ERC2: variants seen among roughly 807,000 people sequenced by gnomAD.
ERC2 encodes the protein ELKS/RAB6-interacting/CAST family member 2.
Under a neutral mutation model 114.8 loss-of-function variants are expected in ERC2, and 42 were observed. The ratio of observed to expected loss-of-function variants is 0.37; its 90% confidence interval spans 0.29 to 0.47. The LOEUF (loss-of-function observed/expected upper bound fraction) is 0.47. Ranked by LOEUF, ERC2 falls within the 20% of genes least tolerant of loss-of-function variation. The pLI, the probability that ERC2 is intolerant of heterozygous loss-of-function variation, is 0.99. For missense variants in ERC2, 939 were observed against 1,150.7 expected, an observed-to-expected ratio of 0.82 and a Z score of 2.66; for synonymous variants, 454 against 425.5, an observed-to-expected ratio of 1.07 and a Z score of -0.82.
At chr3:55,514,683 C>G (rs1164070346) in intron 17 of ERC2, among the ~76,000 whole-genome samples, 4 of 152,160 alleles carry the variant, frequency 2.6e-5, no homozygotes, top group African/African-American at 9.7e-5. Context: ...GACCACAGAC[C>G]TACAACCACG....
intron 17 of ERC2, among the ~76,000 whole-genome samples, chr3:55,546,670 C>T (rs2054773777): frequency 6.6e-6 from 1 of 152,202 alleles, no homozygotes; most frequent in Admixed American, 6.5e-5. Context: ...GAGGCTCCTC[C>T]CATTTCATGA....
chr3:55,530,643 C>G (rs1350938524), intron 17 of ERC2, among the ~76,000 whole-genome samples: 1 of 152,194 alleles, frequency 6.6e-6, no homozygotes, highest in Non-Finnish European at 1.5e-5. Context: ...ACAAGTATCT[C>G]CAAGATTATT....
intron 7 of ERC2, among the ~76,000 whole-genome samples, chr3:56,043,364 A>G (rs2075297071): frequency 6.6e-6 from 1 of 152,118 alleles, no homozygotes; most frequent in African/African-American, 2.4e-5. Context: ...TTTTTATGGC[A>G]CTAATTTTAT....
chr3:55,527,922 C>T (rs1356407922), intron 17 of ERC2, among the ~76,000 whole-genome samples: 1 of 152,060 alleles, frequency 6.6e-6, no homozygotes, highest in Admixed American at 6.6e-5. Context: ...AGGGTAGAGT[C>T]AGGGTAGAGT....
chr3:56,355,561 C>T (rs2058718179), intron 2 of ERC2, among the ~76,000 whole-genome samples: 1 of 152,166 alleles, frequency 6.6e-6, no homozygotes, highest in Non-Finnish European at 1.5e-5. Flanking sequence ...ATCCTCCTGT[C>T]TCAGCCTCCC....
intron 13 of ERC2, among the ~76,000 whole-genome samples, chr3:55,931,656 A>T (rs1391294292): frequency 1.3e-5 from 2 of 152,140 alleles, no homozygotes; most frequent in African/African-American, 2.4e-5. Flanking sequence ...AATGTAGATG[A>T]TGGGTTGATG....
chr3:55,974,272 C>G (rs1306514492), intron 12 of ERC2, among the ~76,000 whole-genome samples: 1 of 152,204 alleles, frequency 6.6e-6, no homozygotes, highest in Non-Finnish European at 1.5e-5. Flanking sequence ...ACTAGCCGGA[C>G]AGGGGCTAAT....
chr3:56,286,825 T>C (rs1278299330), intron 3 of ERC2, among the ~76,000 whole-genome samples: 1 of 152,160 alleles, frequency 6.6e-6, no homozygotes, highest in Non-Finnish European at 1.5e-5. Flanking sequence ...GTTTGCCAAA[T>C]CTCAATCTAA....
At chr3:55,698,575 T>G (rs1405242034) in intron 16 of ERC2, among the ~76,000 whole-genome samples, 1 of 152,102 alleles carries the variant, frequency 6.6e-6, no homozygotes, top group African/African-American at 2.4e-5. Context: ...TTGTTACCTA[T>G]TGCTCCCATC....
intron 7 of ERC2, among the ~76,000 whole-genome samples, chr3:56,040,770 CTA>C (rs1306225457): frequency 9.1e-6 from 1 of 109,676 alleles, no homozygotes; most frequent in Non-Finnish European, 2.0e-5. Flanking sequence ...ACATAGATCT[CTA>C]TATATAGAGA....
In ERC2 at chr3:56,257,240, T is replaced by C. The variant is rs115323980; in HGVS notation, c.1074+38779A>G. ...TCTAAAATTGTGCTTGGTTCAACAATAAATCCCATCCTCTCTGATTTAAAA... is the reference window on the plus strand; with the variant it reads ...TCTAAAATTGTGCTTGGTTCAACAACAAATCCCATCCTCTCTGATTTAAAA... On this transcript the variant is annotated intron_variant, in intron 3 of 17. Transcript: ENST00000288221. 7.7e-3 allele frequency among the ~76,000 whole-genome samples: 1,169 copies of C among 152,288 alleles called. 15 individuals are homozygous for C. Among genetic ancestry groups the C allele is most frequent in the African/African-American group, 0.027 (1,110 of 41,548 alleles).
chr3:55,891,973 G>A (rs2063629792), intron 13 of ERC2, among the ~76,000 whole-genome samples: 2 of 152,180 alleles, frequency 1.3e-5, no homozygotes, highest in South Asian at 4.1e-4. Context: ...CTGTACATAT[G>A]TAGTTTGTGT....
intron 10 of ERC2, among the ~76,000 whole-genome samples, chr3:55,992,979 G>A (rs1212262641): frequency 6.6e-6 from 1 of 152,078 alleles, no homozygotes; most frequent in East Asian, 1.9e-4. Context: ...AAAGACACAG[G>A]CAACAACACA....
At chr3:55,549,117 CAG>C (rs1404125396) in intron 17 of ERC2, among the ~76,000 whole-genome samples, 3 of 152,114 alleles carry the variant, frequency 2.0e-5, no homozygotes, top group Non-Finnish European at 4.4e-5. Context: ...GTGTATTAAA[CAG>C]AGAACTGAAT....
In ERC2 at chr3:55,842,110, T is replaced by C. The variant is rs9875503; in HGVS notation, c.2564+46279A>G. Among the ~76,000 whole-genome samples, 1,313 of 152,168 alleles carry C rather than the reference T, an allele frequency of 8.6e-3. 24 individuals are homozygous for C. The highest frequency in any genetic ancestry group is 0.03 in the African/African-American group (1,237 of 41,512). On this transcript the variant is annotated intron_variant, in intron 14 of 17. Transcript: ENST00000288221. ...CAAAATGTCCTCACATTAAAAAAAA[T>C]TAAATAAAACTGGAGGAATTTGAAG...
chr3:55,648,460 C>A (rs1467264631), intron 17 of ERC2, among the ~76,000 whole-genome samples: 1 of 152,160 alleles, frequency 6.6e-6, no homozygotes, highest in African/African-American at 2.4e-5. Context: ...CTGGCACATG[C>A]TAAGTGCTCA....
At chr3:55,645,605 A>G (rs1467858732) in intron 17 of ERC2, among the ~76,000 whole-genome samples, 2 of 152,050 alleles carry the variant, frequency 1.3e-5, no homozygotes, top group Non-Finnish European at 2.9e-5. Context: ...TGTGCAATCT[A>G]TTTTCACTGT....
intron 17 of ERC2, among the ~76,000 whole-genome samples, chr3:55,512,950 G>A (rs1049214812): frequency 2.0e-5 from 3 of 152,300 alleles, no homozygotes; most frequent in East Asian, 3.9e-4. Context: ...ATCCCTTCTG[G>A]GGGGGCAAAG....
chr3:55,656,578 A>T (rs550946511), intron 17 of ERC2, among the ~76,000 whole-genome samples: 21 of 152,328 alleles, frequency 1.4e-4, no homozygotes, highest in African/African-American at 4.8e-4. Context: ...CAGCCTCCAG[A>T]GTAGCCAGCT....
Sources: gnomAD v4.1 joint callset for allele counts (sites outside exome capture counted in the v4.1 genomes callset) on GRCh38, gnomAD v4.1.1 for gene constraint, MANE v1.5 for transcripts, NCBI Gene and HGNC (gene_info 2026-07-23, HGNC 2026-07-21) for gene names.